The following GRID2 variants were observed in gnomAD, a reference collection of about 807,000 sequenced individuals.
The protein encoded by GRID2 is glutamate receptor ionotropic, delta-2.
GRID2 carries 33 observed loss-of-function variants against 114.8 expected under a neutral mutation model. The ratio of observed to expected loss-of-function variants is 0.29; its 90% CI spans 0.22 to 0.38. The LOEUF is 0.38. Among genes scored for constraint, GRID2 ranks in the 10% least tolerant of loss-of-function variants. The pLI, the probability that GRID2 is intolerant of heterozygous loss-of-function variation, is 1.00. For synonymous variants in GRID2, 505 were observed against 449.9 expected (o/e 1.12, Z -1.55); for missense variants, 1,184 against 1,257.7 (o/e 0.94, Z 0.89).
At chr4:93,656,942 T>A (rs1428090383) in intron 14 of GRID2, among the ~76,000 whole-genome samples, 1 of 151,668 alleles carries the variant, frequency 6.6e-6, no homozygotes, top group Non-Finnish European at 1.5e-5. Context: ...ATCCACAATT[T>A]CAGACAAGCT....
chr4:93,679,391 T>C lies in GRID2; in HGVS notation c.2360+52956T>C, dbSNP rs548300708. Among the ~76,000 whole-genome samples the C allele has an allele frequency of 7.9e-3, 1,189 of 150,726 alleles. 66 individuals are homozygous for C. Among genetic ancestry groups the C allele is most frequent in the African/African-American group, 0.027 (1,112 of 40,516 alleles). ...CAACGAGACAGAAAGTTAACAAGGA[T>C]ACCCAGGAATTGAACTCAGCTCTGC... On this transcript the variant is annotated intron_variant, in intron 14 of 15. Transcript: ENST00000282020.
chr4:92,340,588 C>T (rs1298776523), intron 1 of GRID2, among the ~76,000 whole-genome samples: 1 of 152,156 alleles, frequency 6.6e-6, no homozygotes, highest in Non-Finnish European at 1.5e-5. Flanking sequence ...TGATGAACAC[C>T]TACTCATTGC....
chr4:93,537,284 T>G (rs996257654), intron 13 of GRID2, among the ~76,000 whole-genome samples: 1 of 151,796 alleles, frequency 6.6e-6, no homozygotes, highest in African/African-American at 2.4e-5. Context: ...TATGCCTTCT[T>G]TTAGTGTTTA....
chr4:93,150,984 C>T (rs28473104), intron 4 of GRID2, among the ~76,000 whole-genome samples: 5,923 of 151,760 alleles, frequency 0.039, 158 homozygotes, highest in Non-Finnish European at 0.054. Context: ...AAAAAATTAG[C>T]CAGGCATGGT....
chr4:92,416,036 T>C (rs1731596775), intron 1 of GRID2, among the ~76,000 whole-genome samples: 1 of 151,950 alleles, frequency 6.6e-6, no homozygotes, highest in Non-Finnish European at 1.5e-5. Flanking sequence ...TTTAAAAGTG[T>C]TCTCTTTTCA....
intron 8 of GRID2, among the ~76,000 whole-genome samples, chr4:93,381,604 A>G (rs1763860865): frequency 6.6e-6 from 1 of 152,116 alleles, no homozygotes; most frequent in Non-Finnish European, 1.5e-5. Flanking sequence ...AACATCCTAC[A>G]GTTATAACAC....
intron 2 of GRID2, among the ~76,000 whole-genome samples, chr4:92,819,557 G>A (rs1741133084): frequency 6.6e-6 from 1 of 151,888 alleles, no homozygotes; most frequent in Admixed American, 6.6e-5. Flanking sequence ...TGTAAGATGG[G>A]GATAAACTAA....
At chr4:92,593,480 C>T (rs897849900) in intron 2 of GRID2, among the ~76,000 whole-genome samples, 1 of 151,894 alleles carries the variant, frequency 6.6e-6, no homozygotes, top group Non-Finnish European at 1.5e-5. Context: ...TGGAAATCTT[C>T]CTTTGTAGCT....
intron 2 of GRID2, among the ~76,000 whole-genome samples, chr4:92,612,068 A>T (rs908147626): frequency 2.0e-5 from 3 of 151,446 alleles, no homozygotes; most frequent in African/African-American, 7.3e-5. Context: ...AAGGTCATTA[A>T]GATTTTTTTT....
At chr4:93,537,045 A>G (rs931251902) in intron 13 of GRID2, among the ~76,000 whole-genome samples, 1 of 151,630 alleles carries the variant, frequency 6.6e-6, no homozygotes, top group East Asian at 1.9e-4. Context: ...ATCTAAAAAA[A>G]TCCTTGAAAT....
At chr4:93,569,789 T>C (rs1443700865) in intron 13 of GRID2, among the ~76,000 whole-genome samples, 1 of 152,190 alleles carries the variant, frequency 6.6e-6, no homozygotes, top group African/African-American at 2.4e-5. Context: ...CTGACTGTGC[T>C]GTTCTCTCAG....
At chr4:92,855,338 T>C (rs1350845472) in intron 2 of GRID2, among the ~76,000 whole-genome samples, 6 of 152,044 alleles carry the variant, frequency 3.9e-5, no homozygotes, top group African/African-American at 1.4e-4. Context: ...GTCTTTACCT[T>C]AAAGGCGAAT....
rs116355412 is a variant in GRID2 at position 92,733,501 on chromosome 4, G to A, written c.244+143215G>A. Reference sequence around the variant, plus strand: ...GGTAGTCAGGGGACAGGACTGAAAAGAAGTGTGGAGTTAAATAAGTAGATA... The same window carrying A: ...GGTAGTCAGGGGACAGGACTGAAAAAAAGTGTGGAGTTAAATAAGTAGATA... On this transcript the variant is annotated intron_variant, in intron 2 of 15. Coordinates refer to ENST00000282020, the MANE Select transcript of GRID2 (RefSeq NM_001510.4). 7.7e-3 allele frequency among the ~76,000 whole-genome samples: 1,179 copies of A among 152,180 alleles called. 15 individuals are homozygous for A. Among genetic ancestry groups the A allele is most frequent in the African/African-American group, 0.025 (1,040 of 41,542 alleles).
chr4:93,312,807 G>A (rs1281476085), intron 8 of GRID2, among the ~76,000 whole-genome samples: 1 of 152,132 alleles, frequency 6.6e-6, no homozygotes, highest in Non-Finnish European at 1.5e-5. Context: ...CACTACCCAT[G>A]TTTCTGCACC....
chr4:92,566,372 A>G lies in GRID2; in HGVS notation c.89-23759A>G, dbSNP rs1384341336. On this transcript the variant is annotated intron_variant, in intron 1 of 15. Transcript: ENST00000282020. The stretch of plus-strand genomic sequence containing the variant: ...CTAATTGCATTTAGAGAAATAAAAT[A>G]AAGTTTGCCAACAACGAAAAAGGGG... Among the ~76,000 whole-genome samples, 4 of 152,098 alleles carry G rather than the reference A, an allele frequency of 2.6e-5. No individual in the cohort carries two copies. The South Asian group carries it at 8.3e-4, about 32-fold the overall frequency.
At chr4:92,503,670 TC>T (rs1723804223) in intron 1 of GRID2, among the ~76,000 whole-genome samples, 1 of 152,134 alleles carries the variant, frequency 6.6e-6, no homozygotes, top group African/African-American at 2.4e-5. Flanking sequence ...CAGCATGATT[TC>T]CTTCCCACTG....
chr4:92,729,734 G>A (rs1353703612), intron 2 of GRID2, among the ~76,000 whole-genome samples: 1 of 151,918 alleles, frequency 6.6e-6, no homozygotes, highest in Non-Finnish European at 1.5e-5. Context: ...ATCAGTATGA[G>A]ACCAAAACAG....
chr4:93,807,673 C>T (rs528045606), exon 2 of GRID2: 2 of 152,264 alleles, frequency 1.3e-5, no homozygotes, highest in South Asian at 2.1e-4. Context: ...GTTTGTTTTC[C>T]TTATACCCAC....
intron 2 of GRID2, among the ~76,000 whole-genome samples, chr4:92,782,101 C>A (rs922156492): frequency 6.6e-6 from 1 of 151,886 alleles, no homozygotes; most frequent in African/African-American, 2.4e-5. Flanking sequence ...TTTTTCAATA[C>A]CATCAATTTA....
Sources: gnomAD v4.1 joint callset for allele counts (sites outside exome capture counted in the v4.1 genomes callset) on GRCh38, gnomAD v4.1.1 for gene constraint, MANE v1.5 for transcripts, NCBI Gene and HGNC (gene_info 2026-07-23, HGNC 2026-07-21) for gene names.